LUC7L: variants seen among roughly 807,000 people sequenced by gnomAD.
LUC7L encodes the protein LUC7 like, also known as putative RNA-binding protein Luc7-like 1.
A neutral mutation model predicts 51.1 loss-of-function variants in LUC7L; 29 were observed. The ratio of observed to expected loss-of-function variants is 0.57; its 90% CI spans 0.42 to 0.77. LUC7L has a LOEUF of 0.77. Ranked by LOEUF, LUC7L falls within the 30% of genes least tolerant of loss-of-function variation. The probability of loss-of-function intolerance (pLI) is 0.00; values close to 1 mark genes in which losing one functional copy is unlikely to be tolerated. For missense variants in LUC7L, 403 were observed against 511.9 expected (o/e 0.79, Z 2.05); for synonymous variants, 181 against 180.7 (o/e 1.00, Z -0.01).
At chr16:190,718 G>A (rs1013162914) in intron 7 of LUC7L, 148 bp from the exon 8 acceptor site, 6 of 694,442 alleles carry the variant, frequency 8.6e-6, no homozygotes, top group African/African-American at 7.2e-5. Flanking sequence ...CGTCTCTACT[G>A]AGAACACAAA....
At chr16:192,842 G>T in intron 7 of LUC7L, 85 bp downstream of exon 7, 1 of 1,203,756 alleles carries the variant, frequency 8.3e-7, no homozygotes, top group Non-Finnish European at 1.2e-6. Context: ...GGCAGGCCCT[G>T]CCTATTCCAA....
At chr16:194,024 CG>C (rs1461319483) in intron 6 of LUC7L, among the ~76,000 whole-genome samples, 1 of 151,880 alleles carries the variant, frequency 6.6e-6, no homozygotes, top group East Asian at 1.9e-4. Flanking sequence ...AGGATGGTCT[CG>C]ATCTCCTGAC....
At chr16:209,746 A>T (rs1228054174) in intron 3 of LUC7L, 3 of 152,200 alleles carry the variant, frequency 2.0e-5, no homozygotes. Flanking sequence ...CCTAAAACAG[A>T]CAGGAGACAG....
intron 5 of LUC7L, among the ~76,000 whole-genome samples, chr16:203,896 G>C (rs2049404717): frequency 2.0e-5 from 3 of 151,606 alleles, no homozygotes; most frequent in Non-Finnish European, 4.4e-5. Flanking sequence ...CACGCCTATA[G>C]TCTCAGCTAC....
chr16:219,428 A>G (rs1025011777), intron 3 of LUC7L, among the ~76,000 whole-genome samples: 4 of 152,068 alleles, frequency 2.6e-5, no homozygotes, highest in African/African-American at 9.7e-5. Flanking sequence ...AATTAAATAA[A>G]TAATTAGCCA....
intron 5 of LUC7L, among the ~76,000 whole-genome samples, chr16:199,846 T>A (rs1300713028): frequency 1.4e-5 from 2 of 141,816 alleles, no homozygotes; most frequent in Non-Finnish European, 3.1e-5. Flanking sequence ...AAAAATCAGC[T>A]GGGTGTGGTG....
Position 220,745 on chromosome 16 carries a change from G to A in LUC7L, c.159C>T (p.Arg53=), listed in dbSNP as rs1024583770. 2 of 1,611,876 alleles carry A rather than the reference G, an allele frequency of 1.2e-6. No homozygotes were observed. The highest frequency in any genetic ancestry group is 1.7e-5 in the Admixed American group (1 of 59,852). ...TTTTGGTACATTCTCCTAAATCCAT[G>A]CGCTGTGGGAAAGAAACAGAAAATG... The part of the protein sequence containing the change: ...CCPHDILAGT[R]MDLGECTKIH... Residue 53 remains arginine (R), a splice_region_variant and synonymous_variant, in exon 3 of 10, where the codon CGC becomes CGT. Coordinates refer to ENST00000293872, the MANE Select transcript of LUC7L (RefSeq NM_201412.3).
At chr16:222,358 C>T (rs544913187) in intron 2 of LUC7L, among the ~76,000 whole-genome samples, 1 of 150,814 alleles carries the variant, frequency 6.6e-6, no homozygotes, top group East Asian at 1.9e-4. Flanking sequence ...ACGTTAGTAC[C>T]AGTTGCAGTG....
At chr16:228,833 A>C in intron 1 of LUC7L, 1 of 1,293,772 alleles carries the variant, frequency 7.7e-7, no homozygotes, top group Non-Finnish European at 1.0e-6. Context: ...ATGGTACAGA[A>C]CCAGAGCGGG....
intron 5 of LUC7L, among the ~76,000 whole-genome samples, chr16:204,677 C>A (rs780312194): frequency 1.3e-5 from 2 of 151,946 alleles, no homozygotes; most frequent in Non-Finnish European, 2.9e-5. Flanking sequence ...CACTTCTGTA[C>A]GTTTACACTG....
intron 4 of LUC7L, among the ~76,000 whole-genome samples, chr16:206,591 A>AACAAGGAG (rs2049489374): frequency 6.6e-6 from 1 of 152,208 alleles, no homozygotes; most frequent in Non-Finnish European, 1.5e-5. Context: ...GAAAAGAAAA[A>AACAAGGAG]ACAAGGAGAG....
At chr16:227,135 G>A in intron 2 of LUC7L, 107 bp downstream of exon 2, 1 of 829,428 alleles carries the variant, frequency 1.2e-6, no homozygotes, top group Non-Finnish European at 1.9e-6. Flanking sequence ...AAGCCACTTA[G>A]AGAAAAAGAG....
intron 4 of LUC7L, among the ~76,000 whole-genome samples, chr16:206,681 T>C (rs910661342): frequency 1.3e-5 from 2 of 152,074 alleles, no homozygotes; most frequent in Admixed American, 1.3e-4. Flanking sequence ...TACCTCCTTT[T>C]CATTCTATGA....
intron 3 of LUC7L, among the ~76,000 whole-genome samples, chr16:217,297 G>A (rs963099451): frequency 2.6e-5 from 4 of 152,104 alleles, no homozygotes; most frequent in Non-Finnish European, 4.4e-5. Context: ...AATTACAGCT[G>A]TAAGCCACTG....
intron 9 of LUC7L, 94 bp from the exon 10 acceptor site, chr16:189,433 C>A: frequency 6.8e-7 from 1 of 1,473,264 alleles, no homozygotes; most frequent in Non-Finnish European, 9.0e-7. Flanking sequence ...CCAGGCCAGG[C>A]AAGGCCCTAC....
intron 3 of LUC7L, chr16:220,070 A>G (rs1455582002): frequency 6.6e-6 from 1 of 152,272 alleles, no homozygotes; most frequent in Non-Finnish European, 1.5e-5. Context: ...AGACAACATT[A>G]CAAAATTGTC....
At chr16:228,962 C>G in intron 1 of LUC7L, 1 of 1,420,736 alleles carries the variant, frequency 7.0e-7, no homozygotes, top group East Asian at 3.3e-5. Flanking sequence ...AGCCCTCCGC[C>G]GACTCCACAG....
chr16:225,303 T>C (rs2050098972), intron 2 of LUC7L, among the ~76,000 whole-genome samples: 2 of 151,744 alleles, frequency 1.3e-5, no homozygotes, highest in Admixed American at 6.6e-5. Flanking sequence ...CTGGTCAACA[T>C]GGTGAAACCC....
chr16:210,740 A>T (rs1243527342), intron 3 of LUC7L, among the ~76,000 whole-genome samples: 1 of 152,176 alleles, frequency 6.6e-6, no homozygotes, highest in Admixed American at 6.6e-5. Flanking sequence ...CTATGGACTC[A>T]GATGTCTGAT....
Sources: gnomAD v4.1 joint callset for allele counts (sites outside exome capture counted in the v4.1 genomes callset) on GRCh38, gnomAD v4.1.1 for gene constraint, MANE v1.5 for transcripts, NCBI Gene and HGNC (gene_info 2026-07-23, HGNC 2026-07-21) for gene names.